The following MFRP variants were observed in gnomAD, a reference collection of about 807,000 sequenced individuals.
The protein encoded by MFRP is membrane frizzled-related protein, also known as C1q and TNF related 5.
A neutral mutation model predicts 65.8 loss-of-function variants in MFRP; 74 were observed. The ratio of observed to expected loss-of-function variants is 1.12; its 90% confidence interval spans 0.93 to 1.36. MFRP has a LOEUF of 1.36. Ranked by LOEUF, MFRP falls within the 40% of genes most tolerant of loss-of-function variation. The pLI is 0.00. For synonymous variants in MFRP, 336 were observed against 288.3 expected, an observed-to-expected ratio of 1.17 and a Z score of -1.68; for missense variants, 838 against 736.0, an observed-to-expected ratio of 1.14 and a Z score of -1.60.
At position 119,346,267 on chromosome 11, in the gene MFRP, G is replaced by A. The variant is rs1159702463; in HGVS notation, c.157+5C>T. The A allele has an allele frequency of 3.1e-6, 5 of 1,610,808 alleles. No individual in the cohort carries two copies. Among genetic ancestry groups the A allele is most frequent in the Admixed American group, 1.7e-5 (1 of 59,596 alleles). Reference sequence around the variant, plus strand: ...CTCCCCCAGGTCACCCCCTGGGATGGTTACCATGCCAGGGAGCTGGGACGC... The same window carrying A: ...CTCCCCCAGGTCACCCCCTGGGATGATTACCATGCCAGGGAGCTGGGACGC... On this transcript the variant is annotated splice_donor_5th_base_variant and intron_variant, in intron 2 of 14. Transcript: ENST00000619721.
intron 2 of MFRP, 24 bp downstream of exon 2, chr11:119,346,248 C>T (rs1950568004): frequency 1.3e-6 from 2 of 1,595,296 alleles, no homozygotes; most frequent in Non-Finnish European, 1.7e-6. Context: ...TGTCCTCCCC[C>T]AGGTCACCCC....
rs1461541119 is a variant in MFRP at position 119,345,022 on chromosome 11, G to A, written c.642-18C>T. ...CACAAACCCTGCAAGAAGCCAGGTT[G>A]GGGGTGAGGGAGGCTCCAAGAGCAG... is the stretch of plus-strand genomic sequence containing the variant. On this transcript the variant is annotated intron_variant, in intron 5 of 14. Coordinates refer to ENST00000619721, the MANE Select transcript of MFRP (RefSeq NM_031433.4). The A allele has an allele frequency of 1.3e-6, 2 of 1,597,454 alleles. No homozygotes were observed. Among genetic ancestry groups the A allele is most frequent in the East Asian group, 2.3e-5 (1 of 44,408 alleles).
At chr11:119,344,166 T>G in intron 8 of MFRP, 149 bp downstream of exon 8, 1 of 953,250 alleles carries the variant, frequency 1.0e-6, no homozygotes, top group East Asian at 2.5e-5. Flanking sequence ...CAGCAGGCAC[T>G]TAATAATATT....
chr11:119,343,347 C>T (rs1195629974), intron 9 of MFRP, among the ~76,000 whole-genome samples: 1 of 152,024 alleles, frequency 6.6e-6, no homozygotes, highest in African/African-American at 2.4e-5. Context: ...CTTGTCTTTA[C>T]AAAAAAATTA....
intron 3 of MFRP, 22 bp downstream of exon 3, chr11:119,346,023 TC>T (rs1279942583): frequency 1.2e-6 from 2 of 1,612,634 alleles, no homozygotes; most frequent in African/African-American, 1.3e-5. Flanking sequence ...AGCCCTCGTT[TC>T]AAGCTGTCCC....
chr11:119,341,889 C>T lies in MFRP; in HGVS notation c.1483G>A (p.Glu495Lys), dbSNP rs372509766. The change falls in exon 12 of 15, where the codon GAG becomes AAG. Residue 495 changes from glutamate (E) to lysine (K), a missense_variant. By Grantham distance (56) the Glu-to-Lys change is moderately conservative. Coordinates refer to ENST00000619721, the MANE Select transcript of MFRP (RefSeq NM_031433.4). The part of the protein sequence containing the change: ...PNIWVGMITQ[E>K]EVVEVLSGYK... ...CCGCTGAGGACCTCTACCACCTCCT[C>T]CTGGGTGATCATGCCCACCCAGATG... is the stretch of plus-strand genomic sequence containing the variant. 4 of 1,613,878 alleles carry T rather than the reference C, an allele frequency of 2.5e-6. No homozygotes were observed. Among genetic ancestry groups the T allele is most frequent in the Non-Finnish European group, 3.4e-6 (4 of 1,180,006 alleles).
intron 8 of MFRP, 100 bp from the exon 9 acceptor site, chr11:119,344,064 G>A (rs1950532193): frequency 6.8e-6 from 10 of 1,469,162 alleles, no homozygotes; most frequent in Admixed American, 1.7e-5. Flanking sequence ...TGGGGGGATG[G>A]GGTGGTGCTT....
chr11:119,340,499 C>G (rs965120899), intron 13 of MFRP, 59 bp from the exon 14 acceptor site: 5 of 1,300,892 alleles, frequency 3.8e-6, no homozygotes, highest in Non-Finnish European at 5.3e-6. Context: ...CCTCTCTCCC[C>G]ACCCCGGCGC....
chr11:119,346,192 C>A (rs1266578182), intron 2 of MFRP, 33 bp from the exon 3 acceptor site: 1 of 1,569,246 alleles, frequency 6.4e-7, no homozygotes, highest in Non-Finnish European at 8.7e-7. Context: ...TTGAAAGCCC[C>A]TTCTGTTGGG....
At chr11:119,344,033 T>A (rs565785781) in intron 8 of MFRP, 69 bp from the exon 9 acceptor site, 2 of 1,595,610 alleles carry the variant, frequency 1.3e-6, no homozygotes, top group Non-Finnish European at 8.5e-7. Flanking sequence ...CCCAGAAGGG[T>A]CTTCTTCCCC....
Position 119,343,951 on chromosome 11 carries a change from T to C in MFRP, c.989A>G (p.His330Arg), listed in dbSNP as rs1950530286. ...GCTGTGTCCGGCAGGCACCGAGATA[T>C]GCCAGGTGCAGAGCTGGGGGAGGGC... ...QYPHQLLCTW[H>R]ISVPAGHSIE... The change falls in exon 9 of 15, where the codon CAT becomes CGT. Residue 330 changes from histidine to arginine, a missense_variant. Coordinates refer to ENST00000619721, the MANE Select transcript of MFRP (RefSeq NM_031433.4). 4 of 1,612,836 alleles carry C rather than the reference T, an allele frequency of 2.5e-6. No homozygotes were observed. Among genetic ancestry groups the C allele is most frequent in the Non-Finnish European group, 2.5e-6 (3 of 1,179,942 alleles).
At chr11:119,342,005 G>A (rs2135368263) in intron 11 of MFRP, 21 bp from the exon 12 acceptor site, 5 of 1,612,796 alleles carry the variant, frequency 3.1e-6, no homozygotes, top group Non-Finnish European at 3.4e-6. Flanking sequence ...GGAGGGGAGG[G>A]CCACTGTGGG....
chr11:119,345,359 T>A (rs1192063267), intron 5 of MFRP, 61 bp downstream of exon 5: 1 of 1,542,738 alleles, frequency 6.5e-7, no homozygotes, highest in East Asian at 2.2e-5. Flanking sequence ...CACTCCCTGA[T>A]TCTGCTCTTT....
intron 13 of MFRP, 46 bp downstream of exon 13, chr11:119,340,649 C>T: frequency 1.9e-6 from 1 of 540,434 alleles, no homozygotes; most frequent in Non-Finnish European, 3.3e-6. Flanking sequence ...CCAGCCTTTC[C>T]CACAGTCCCC....
chr11:119,341,979 CCAGCTCTG>C lies in MFRP; in HGVS notation c.1388-3_1392del, dbSNP rs1313392048. ...ATCTCCACCTGGACAGGCTCACAGG[CCAGCTCTG>C]CAGGGGTGGAGGGGAGGGCCACTGT... is the stretch of plus-strand genomic sequence containing the variant. On this transcript the variant is annotated splice_acceptor_variant and splice_polypyrimidine_tract_variant and coding_sequence_variant and intron_variant, in exon 12 of 15. Coordinates refer to ENST00000619721, the MANE Select transcript of MFRP (RefSeq NM_031433.4). LOFTEE classifies it high-confidence loss of function. The C allele has an allele frequency of 1.2e-6, 2 of 1,613,544 alleles. No individual in the cohort carries two copies. The highest frequency in any genetic ancestry group is 1.7e-6 in the Non-Finnish European group (2 of 1,180,024).
chr11:119,345,579 G>C lies in MFRP; in HGVS notation c.482C>G (p.Pro161Arg). The C allele has an allele frequency of 1.2e-6, 2 of 1,613,892 alleles. No individual in the cohort carries two copies. Among genetic ancestry groups the C allele is most frequent in the Non-Finnish European group, 1.7e-6 (2 of 1,179,990 alleles). The change falls in exon 5 of 15, where the codon CCA becomes CGA. Residue 161 changes from proline to arginine, a missense_variant. Pro to Arg is a moderately radical substitution (Grantham distance 103). Transcript: ENST00000619721. The stretch of plus-strand genomic sequence containing the variant: ...GTGGGTGTTGGGGGGGTAAGGGTCT[G>C]GGTAGTTAGGGCTGCTGAAGAAGCC... ...PRGFFSSPNY[P>R]DPYPPNTHCV...
chr11:119,339,038 G>C lies in MFRP; in HGVS notation c.*1921C>G. The C allele has an allele frequency of 2.7e-6, 1 of 367,958 alleles. No individual in the cohort carries two copies. The highest frequency in any genetic ancestry group is 6.1e-5 in the South Asian group (1 of 16,358). 22.8% of individuals were successfully genotyped at this position (367,958 alleles called of 1,614,324 possible). On this transcript the variant is annotated 3_prime_UTR_variant, in exon 15 of 15. Transcript: ENST00000619721. This position sits in a 1 kb window ranked among gnomAD's most constrained non-coding sequence, Gnocchi z 5.4. Reference sequence around the variant, plus strand: ...ATCCAGAGAAGCAGAGGACCAGGAAGAGAGCACCCCACCGTGGGCTCCTGG... The same window carrying C: ...ATCCAGAGAAGCAGAGGACCAGGAACAGAGCACCCCACCGTGGGCTCCTGG...
rs1950469795 is a variant in MFRP at position 119,339,189 on chromosome 11, A to T, written c.*1770T>A. 3 of 923,682 alleles carry T rather than the reference A, an allele frequency of 3.2e-6. No individual in the cohort carries two copies. The highest frequency in any genetic ancestry group is 3.3e-5 in the African/African-American group (2 of 59,858). 57.2% of individuals were successfully genotyped at this position (923,682 alleles called of 1,614,324 possible). A position where few individuals can be genotyped will look rare whatever the true frequency, so the allele number is the denominator to read the frequency against. On this transcript the variant is annotated 3_prime_UTR_variant, in exon 15 of 15. Transcript: ENST00000619721. The surrounding 1 kb of genome is among the most constrained non-coding windows in gnomAD (Gnocchi z 5.4). The stretch of plus-strand genomic sequence containing the variant: ...ACAGCCACTGTTCCCATTCCTTGCC[A>T]GCAGCAGGACGGAGAGTGCTCTACC...
chr11:119,343,822 A>G lies in MFRP; in HGVS notation c.1118T>C (p.Leu373Pro), dbSNP rs1950528356. ...TCTTCCCTGGCTCCTGTACCTGCCC[A>G]GGAGGCTGAAGGCCCCTGAGCTGCT... ...ETSSSGAFSLLGRFCGAEPPP... is the reference protein window; with the variant it reads ...ETSSSGAFSLPGRFCGAEPPP... Residue 373 changes from leucine (L) to proline (P), a missense_variant, in exon 9 of 15, where the codon CTG becomes CCG. Physicochemically the swap from Leu to Pro is moderately conservative, Grantham distance 98. Coordinates refer to ENST00000619721, the MANE Select transcript of MFRP (RefSeq NM_031433.4). The G allele has an allele frequency of 6.2e-7, 1 of 1,613,874 alleles. No individual in the cohort carries two copies. The highest frequency in any genetic ancestry group is 2.2e-5 in the East Asian group (1 of 44,858).
Sources: gnomAD v4.1 joint callset for allele counts (sites outside exome capture counted in the v4.1 genomes callset) on GRCh38, gnomAD v4.1.1 for gene constraint, Gnocchi (gnomAD v3.1) non-coding constraint, MANE v1.5 for transcripts, NCBI Gene and HGNC (gene_info 2026-07-23, HGNC 2026-07-21) for gene names.